CA10: variants seen among roughly 807,000 people sequenced by gnomAD.
CA10 encodes the protein carbonic anhydrase 10 (inactive), also known as carbonic anhydrase-related protein 10.
In CA10, 14 loss-of-function variants were observed where a neutral mutation model predicts 44.2. The observed-to-expected ratio is 0.32, with a 90% CI of 0.21 to 0.50. CA10 has a LOEUF of 0.50. CA10 is among the 20% of genes least tolerant of loss of function. The pLI is 0.99. For missense variants in CA10, 350 were observed against 409.7 expected (o/e 0.85, Z 1.26); for synonymous variants, 159 against 141.6 (o/e 1.12, Z -0.87).
At chr17:52,114,712 GTCT>G (rs1988854788) in intron 1 of CA10, among the ~76,000 whole-genome samples, 1 of 152,114 alleles carries the variant, frequency 6.6e-6, no homozygotes, top group South Asian at 2.1e-4. Context: ...CAATTTGGTA[GTCT>G]TCTTTCTGGC....
At chr17:51,876,043 T>C (rs1380006575) in intron 3 of CA10, among the ~76,000 whole-genome samples, 3 of 152,206 alleles carry the variant, frequency 2.0e-5, no homozygotes, top group African/African-American at 7.2e-5. Flanking sequence ...CCATGGTTTA[T>C]CTGTTTAACT....
At chr17:51,883,810 A>C (rs1332090594) in intron 3 of CA10, among the ~76,000 whole-genome samples, 3 of 151,964 alleles carry the variant, frequency 2.0e-5, no homozygotes, top group Non-Finnish European at 4.4e-5. Context: ...TACACCTCAA[A>C]ATTTTTCTTT....
At chr17:52,054,564 C>A (rs369475435) in intron 2 of CA10, among the ~76,000 whole-genome samples, 2 of 152,038 alleles carry the variant, frequency 1.3e-5, no homozygotes, top group Admixed American at 6.6e-5. Context: ...ATTGTACACT[C>A]CCTCCCCTTT....
At chr17:52,082,394 G>T (rs547036228) in intron 1 of CA10, among the ~76,000 whole-genome samples, 1 of 152,222 alleles carries the variant, frequency 6.6e-6, no homozygotes, top group East Asian at 1.9e-4. Context: ...CTATAATTTT[G>T]CTTCTTTCAC....
intron 4 of CA10, among the ~76,000 whole-genome samples, chr17:51,672,359 T>G (rs1317758579): frequency 6.6e-6 from 1 of 152,198 alleles, no homozygotes; most frequent in Non-Finnish European, 1.5e-5. Context: ...AACTAGCACC[T>G]GGGTTGGGAT....
At chr17:52,038,974 T>C (rs966749311) in intron 2 of CA10, among the ~76,000 whole-genome samples, 4 of 152,182 alleles carry the variant, frequency 2.6e-5, no homozygotes, top group South Asian at 2.1e-4. Flanking sequence ...CTGTTATTTC[T>C]CTTGGCCTCA....
intron 3 of CA10, among the ~76,000 whole-genome samples, chr17:51,909,255 T>G (rs981287634): frequency 1.3e-5 from 2 of 152,164 alleles, no homozygotes; most frequent in African/African-American, 2.4e-5. Context: ...CAAAGATGAC[T>G]GGATGTCATC....
intron 3 of CA10, among the ~76,000 whole-genome samples, chr17:51,816,784 A>G (rs184901402): frequency 2.0e-3 from 298 of 152,316 alleles, no homozygotes; most frequent in Non-Finnish European, 3.5e-3. Flanking sequence ...ATTTTATTCA[A>G]TTACAAACAT....
intron 4 of CA10, among the ~76,000 whole-genome samples, chr17:51,717,834 TATATATATATATATATA>T (rs1916208009): frequency 1.6e-5 from 1 of 61,160 alleles, no homozygotes; most frequent in African/African-American, 7.7e-5. Context: ...TGTGTGTATA[TATATATATATATATATA>T]TATATATATA....
intron 1 of CA10, among the ~76,000 whole-genome samples, chr17:52,148,245 G>A (rs1989630639): frequency 6.6e-6 from 1 of 152,166 alleles, no homozygotes; most frequent in Non-Finnish European, 1.5e-5. Flanking sequence ...TTTCTAAAGT[G>A]TTGTTTTCTC....
At chr17:51,879,705 C>A (rs1980276500) in intron 3 of CA10, among the ~76,000 whole-genome samples, 3 of 152,150 alleles carry the variant, frequency 2.0e-5, no homozygotes, top group Non-Finnish European at 4.4e-5. Flanking sequence ...GCAGAGAGGT[C>A]ATTGCTCCCA....
intron 2 of CA10, among the ~76,000 whole-genome samples, chr17:51,933,691 A>C (rs1310334839): frequency 6.6e-6 from 1 of 152,160 alleles, no homozygotes; most frequent in Admixed American, 6.6e-5. Context: ...TTGACAATGA[A>C]GACATCTATG....
In CA10 at chr17:51,821,936, T is replaced by A. The variant is rs116047644; in HGVS notation, c.280-74118A>T. Among the ~76,000 whole-genome samples the A allele has an allele frequency of 5.8e-3, 876 of 152,312 alleles. 10 individuals are homozygous for A. Among genetic ancestry groups the A allele is most frequent in the African/African-American group, 0.02 (830 of 41,566 alleles). On this transcript the variant is annotated intron_variant, in intron 3 of 8. Transcript: ENST00000451037. ...GTAAAATGGGCATACTAGTATGACC[T>A]GTGGTCACCCCTTTCCAGCCCAGCC...
chr17:51,931,643 T>C (rs1982664681), intron 2 of CA10, among the ~76,000 whole-genome samples: 1 of 152,124 alleles, frequency 6.6e-6, no homozygotes, highest in Non-Finnish European at 1.5e-5. Context: ...ATGAGCCCCC[T>C]AATCAATGCC....
chr17:51,955,055 C>T (rs546907666), intron 2 of CA10, among the ~76,000 whole-genome samples: 1 of 152,184 alleles, frequency 6.6e-6, no homozygotes, highest in South Asian at 2.1e-4. Context: ...TTAAAAATAG[C>T]CCGGCTCTTG....
chr17:52,045,959 C>G (rs1183839506), intron 2 of CA10, among the ~76,000 whole-genome samples: 1 of 151,848 alleles, frequency 6.6e-6, no homozygotes, highest in Non-Finnish European at 1.5e-5. Context: ...ATATTTGGCA[C>G]TCAACTAGTG....
chr17:51,795,015 G>C (rs8081615), intron 3 of CA10, among the ~76,000 whole-genome samples: 114,565 of 152,102 alleles, frequency 0.75, 43,466 homozygotes, highest in East Asian at 0.91. Context: ...CAGGAAAGAG[G>C]CTGGGTTCAC....
chr17:51,703,569 AAT>A (rs1915668693), intron 4 of CA10, among the ~76,000 whole-genome samples: 3 of 152,134 alleles, frequency 2.0e-5, no homozygotes, highest in African/African-American at 7.2e-5. Context: ...GTATTTTGGC[AAT>A]AGTCTCTGAG....
At chr17:51,937,586 A>G (rs1262174289) in intron 2 of CA10, among the ~76,000 whole-genome samples, 1 of 152,110 alleles carries the variant, frequency 6.6e-6, no homozygotes, top group African/African-American at 2.4e-5. Flanking sequence ...CATATATCCT[A>G]TTTAACCCAT....
Sources: gnomAD v4.1 joint callset for allele counts (sites outside exome capture counted in the v4.1 genomes callset) on GRCh38, gnomAD v4.1.1 for gene constraint, MANE v1.5 for transcripts, NCBI Gene and HGNC (gene_info 2026-07-23, HGNC 2026-07-21) for gene names.